The following ADCY8 variants were observed in gnomAD, a reference collection of about 807,000 sequenced individuals.
ADCY8 encodes adenylate cyclase type 8.
Under a neutral mutation model 119.7 loss-of-function variants are expected in ADCY8, and 51 were observed. The observed-to-expected ratio is 0.43, with a 90% CI of 0.34 to 0.54. ADCY8 has a LOEUF of 0.54. ADCY8 is among the 20% of genes least tolerant of loss of function. The pLI is 0.03. For synonymous variants in ADCY8, 665 were observed against 651.0 expected, an observed-to-expected ratio of 1.02 and a Z score of -0.33; for missense variants, 1,383 against 1,598.8, an observed-to-expected ratio of 0.87 and a Z score of 2.30.
chr8:130,783,641 G>T, intron 17 of ADCY8, 50 bp downstream of exon 17: 1 of 1,389,450 alleles, frequency 7.2e-7, no homozygotes, highest in South Asian at 1.2e-5. Flanking sequence ...AGGGTCTGTT[G>T]GAGCAAGGTC....
intron 14 of ADCY8, among the ~76,000 whole-genome samples, chr8:130,806,891 G>A (rs1023275897): frequency 3.3e-5 from 5 of 152,080 alleles, no homozygotes; most frequent in South Asian, 2.1e-4. Context: ...AGGGGCACAC[G>A]GAGGAGCTCT....
At chr8:130,791,030 G>A (rs1218678599) in intron 15 of ADCY8, among the ~76,000 whole-genome samples, 1 of 152,206 alleles carries the variant, frequency 6.6e-6, no homozygotes, top group African/African-American at 2.4e-5. Flanking sequence ...GCTAGAACAT[G>A]GTTCTGTGTG....
chr8:130,973,205 C>A (rs569462740), intron 2 of ADCY8, among the ~76,000 whole-genome samples: 6 of 152,286 alleles, frequency 3.9e-5, no homozygotes, highest in East Asian at 1.9e-4. Context: ...GAGTCACAGA[C>A]AACCCAAACT....
intron 8 of ADCY8, among the ~76,000 whole-genome samples, chr8:130,872,302 T>TAG (rs1174365064): frequency 3.3e-5 from 5 of 152,348 alleles, no homozygotes; most frequent in African/African-American, 1.2e-4. Flanking sequence ...TTGTTTATAA[T>TAG]ATCCTCACTT....
chr8:130,847,709 A>G (rs569937147), intron 10 of ADCY8, among the ~76,000 whole-genome samples, 196 bp from the exon 11 acceptor site: 2 of 152,164 alleles, frequency 1.3e-5, no homozygotes, highest in Non-Finnish European at 2.9e-5. Flanking sequence ...TTTTATTTAA[A>G]AAACAAGTGC....
chr8:130,882,533 T>C (rs1172689685), intron 8 of ADCY8, among the ~76,000 whole-genome samples: 1 of 152,116 alleles, frequency 6.6e-6, no homozygotes, highest in African/African-American at 2.4e-5. Flanking sequence ...TGGGGACTCC[T>C]GGCAGAGGCA....
intron 2 of ADCY8, among the ~76,000 whole-genome samples, chr8:130,963,658 C>T (rs765967141): frequency 6.6e-6 from 1 of 152,108 alleles, no homozygotes; most frequent in African/African-American, 2.4e-5. Flanking sequence ...AGAGGTCCAG[C>T]AGTAGTTTGA....
At chr8:131,036,413 G>C (rs947334540) in intron 1 of ADCY8, among the ~76,000 whole-genome samples, 3 of 152,050 alleles carry the variant, frequency 2.0e-5, no homozygotes, top group African/African-American at 7.2e-5. Flanking sequence ...ACAACATCAG[G>C]GCACTTGGAT....
chr8:130,902,693 T>C (rs957867663), intron 7 of ADCY8, among the ~76,000 whole-genome samples: 3 of 152,150 alleles, frequency 2.0e-5, no homozygotes, highest in African/African-American at 7.2e-5. Flanking sequence ...ATTTTTCTTA[T>C]CTATAAGTTA....
chr8:130,796,619 A>G (rs1563667653), intron 15 of ADCY8, among the ~76,000 whole-genome samples: 1 of 151,992 alleles, frequency 6.6e-6, no homozygotes, highest in African/African-American at 2.4e-5. Flanking sequence ...AAAACAAAAC[A>G]AAAAAGGCAG....
intron 14 of ADCY8, 63 bp downstream of exon 14, chr8:130,814,006 G>A (rs1188500358): frequency 1.3e-6 from 2 of 1,584,806 alleles, no homozygotes; most frequent in Non-Finnish European, 1.7e-6. Flanking sequence ...TGGGATCAAT[G>A]TGAACAACTG....
At chr8:131,002,027 T>C (rs1822966525) in intron 1 of ADCY8, among the ~76,000 whole-genome samples, 1 of 152,202 alleles carries the variant, frequency 6.6e-6, no homozygotes, top group African/African-American at 2.4e-5. Context: ...TGTGATTTGC[T>C]GTGCTACGCA....
At chr8:130,848,316 A>G (rs1214248834) in intron 10 of ADCY8, among the ~76,000 whole-genome samples, 1 of 152,190 alleles carries the variant, frequency 6.6e-6, no homozygotes, top group Non-Finnish European at 1.5e-5. Flanking sequence ...CACCCCAGAA[A>G]TATCTAATTT....
At chr8:131,009,424 T>C (rs938967165) in intron 1 of ADCY8, among the ~76,000 whole-genome samples, 2 of 152,176 alleles carry the variant, frequency 1.3e-5, no homozygotes, top group African/African-American at 2.4e-5. Context: ...ATTCTCATGA[T>C]AGTGAGTGAG....
At chr8:131,015,229 TAAAC>T (rs1177899892) in intron 1 of ADCY8, among the ~76,000 whole-genome samples, 1 of 151,998 alleles carries the variant, frequency 6.6e-6, no homozygotes, top group East Asian at 1.9e-4. Flanking sequence ...AGACAGAAAA[TAAAC>T]AAAGAAAAAA....
chr8:130,818,332 G>A (rs958085162), intron 13 of ADCY8, among the ~76,000 whole-genome samples: 20 of 152,168 alleles, frequency 1.3e-4, no homozygotes, highest in African/African-American at 4.8e-4. Flanking sequence ...CTTTCTCCTT[G>A]TGGAGGCGTG....
At chr8:130,831,437 G>A (rs796220060) in intron 12 of ADCY8, among the ~76,000 whole-genome samples, 14 of 152,244 alleles carry the variant, frequency 9.2e-5, no homozygotes, top group African/African-American at 3.4e-4. Flanking sequence ...TACACAGATT[G>A]GAAAATGAGG....
chr8:130,827,224 C>A (rs1242339698), intron 12 of ADCY8, among the ~76,000 whole-genome samples: 1 of 152,102 alleles, frequency 6.6e-6, no homozygotes, highest in African/African-American at 2.4e-5. Flanking sequence ...TGAAGAGCAT[C>A]CCCAAATTAT....
chr8:130,917,029 C>T (rs1820150800), intron 5 of ADCY8, among the ~76,000 whole-genome samples: 1 of 152,138 alleles, frequency 6.6e-6, no homozygotes, highest in Non-Finnish European at 1.5e-5. Context: ...AAAGTGCTTC[C>T]CAATTCATGT....
Sources: allele counts gnomAD v4.1 joint callset (sites outside exome capture counted in the v4.1 genomes callset), GRCh38; gene constraint gnomAD v4.1.1; transcripts MANE v1.5; gene names NCBI Gene and HGNC (gene_info 2026-07-23, HGNC 2026-07-21).